Variants in CACNA2D1 observed in about 807,000 individuals in gnomAD.
The protein encoded by CACNA2D1 is calcium voltage-gated channel auxiliary subunit alpha2delta 1.
Under a neutral mutation model 171.5 loss-of-function variants are expected in CACNA2D1, and 53 were observed. The ratio of observed to expected loss-of-function variants is 0.31; its 90% CI spans 0.25 to 0.39. The LOEUF (loss-of-function observed/expected upper bound fraction) is 0.39, where lower values mean the gene tolerates loss of function less well. Ranked by LOEUF, CACNA2D1 falls within the 10% of genes least tolerant of loss-of-function variation. CACNA2D1 has a pLI of 1.00. For synonymous variants in CACNA2D1, 442 were observed against 443.1 expected, an observed-to-expected ratio of 1.00 and a Z score of 0.03; for missense variants, 903 against 1,299.8, an observed-to-expected ratio of 0.69 and a Z score of 4.69.
intron 5 of CACNA2D1, among the ~76,000 whole-genome samples, chr7:82,123,082 T>C (rs751108171): frequency 6.6e-6 from 1 of 152,162 alleles, no homozygotes; most frequent in Non-Finnish European, 1.5e-5. Context: ...AAACCATCTT[T>C]GCAAAAGGAG....
At chr7:82,135,674 A>T (rs1791523379) in intron 5 of CACNA2D1, among the ~76,000 whole-genome samples, 2 of 152,040 alleles carry the variant, frequency 1.3e-5, no homozygotes, top group African/African-American at 4.8e-5. Flanking sequence ...GTGTTTTCTC[A>T]TTTTTTAAGA....
intron 24 of CACNA2D1, 30 bp from the exon 25 acceptor site, chr7:81,974,582 TATTAAAATCAAAACTTTACAGGGTA>T: frequency 8.5e-7 from 1 of 1,171,802 alleles, no homozygotes; most frequent in South Asian, 1.3e-5. Flanking sequence ...AGATATTAGA[TATTAAAATCAAAACTTTACAGGGTA>T]ATTAAAGGTA....
intron 1 of CACNA2D1, among the ~76,000 whole-genome samples, chr7:82,424,790 T>C (rs1055350215): frequency 1.3e-5 from 2 of 152,218 alleles, no homozygotes; most frequent in Non-Finnish European, 2.9e-5. Flanking sequence ...GGATCAGAAC[T>C]AATGTGACCC....
intron 1 of CACNA2D1, among the ~76,000 whole-genome samples, chr7:82,432,116 AACAAT>A (rs1829739921): frequency 6.6e-6 from 1 of 151,992 alleles, no homozygotes; most frequent in Non-Finnish European, 1.5e-5. Flanking sequence ...AATGTCAGAA[AACAAT>A]ATTATTGTAA....
intron 10 of CACNA2D1, among the ~76,000 whole-genome samples, chr7:82,057,846 T>C (rs1227809667): frequency 6.6e-6 from 1 of 152,088 alleles, no homozygotes; most frequent in Admixed American, 6.6e-5. Flanking sequence ...AGGAAAGGTA[T>C]TAGAGGAAAG....
chr7:82,208,532 C>T (rs886143997), intron 3 of CACNA2D1, among the ~76,000 whole-genome samples: 3 of 152,118 alleles, frequency 2.0e-5, no homozygotes, highest in African/African-American at 7.2e-5. Context: ...AAAAATAAAT[C>T]ACTTAAGATG....
chr7:82,256,883 G>A (rs1216364053), intron 3 of CACNA2D1, among the ~76,000 whole-genome samples: 4 of 151,978 alleles, frequency 2.6e-5, no homozygotes, highest in African/African-American at 9.7e-5. Flanking sequence ...ATTAATACTT[G>A]GTACTTTCTG....
chr7:82,419,459 CAG>C (rs1828515805), intron 1 of CACNA2D1, among the ~76,000 whole-genome samples: 1 of 152,120 alleles, frequency 6.6e-6, no homozygotes, highest in South Asian at 2.1e-4. Flanking sequence ...CAGGAAAGAA[CAG>C]ACACTAGTAC....
chr7:82,079,621 G>C (rs1002971724), intron 7 of CACNA2D1, among the ~76,000 whole-genome samples: 1 of 151,744 alleles, frequency 6.6e-6, no homozygotes, highest in Admixed American at 6.6e-5. Flanking sequence ...GAACCCAGGG[G>C]GCAGAGGTTG....
chr7:81,971,921 G>T, intron 25 of CACNA2D1, 57 bp from the exon 26 acceptor site: 1 of 1,054,098 alleles, frequency 9.5e-7, no homozygotes, highest in East Asian at 2.4e-5. Flanking sequence ...TGATCATAAT[G>T]AAAAATATAT....
At chr7:82,094,864 C>T (rs985998773) in intron 6 of CACNA2D1, among the ~76,000 whole-genome samples, 5 of 152,150 alleles carry the variant, frequency 3.3e-5, no homozygotes, top group African/African-American at 1.2e-4. Context: ...TGCTCCTAGC[C>T]GTACTCTTGG....
chr7:81,958,452 AAG>A (rs1484492510), intron 38 of CACNA2D1, among the ~76,000 whole-genome samples: 2 of 152,062 alleles, frequency 1.3e-5, no homozygotes, highest in Non-Finnish European at 2.9e-5. Flanking sequence ...ATTAGTTAAA[AAG>A]AGGTAGACAG....
At chr7:82,442,878 T>C (rs759012183) in intron 1 of CACNA2D1, among the ~76,000 whole-genome samples, 3 of 152,202 alleles carry the variant, frequency 2.0e-5, no homozygotes, top group Non-Finnish European at 4.4e-5. Context: ...AAAACGAGTT[T>C]GGGCACTACA....
At chr7:82,195,066 C>A (rs1798716153) in intron 3 of CACNA2D1, among the ~76,000 whole-genome samples, 1 of 151,928 alleles carries the variant, frequency 6.6e-6, no homozygotes, top group African/African-American at 2.4e-5. Flanking sequence ...AGTATCTTTT[C>A]AGATTTATAT....
chr7:82,015,520 A>G (rs1404681606), intron 12 of CACNA2D1, among the ~76,000 whole-genome samples: 3 of 152,156 alleles, frequency 2.0e-5, no homozygotes, highest in African/African-American at 7.2e-5. Context: ...TATAAAAGGT[A>G]AATTCCATGA....
chr7:82,041,749 C>T (rs1286043191), intron 10 of CACNA2D1, among the ~76,000 whole-genome samples: 1 of 152,102 alleles, frequency 6.6e-6, no homozygotes, highest in Non-Finnish European at 1.5e-5. Flanking sequence ...TCTACATGTT[C>T]CATTTTCAAA....
At chr7:82,434,552 G>T (rs556752840) in intron 1 of CACNA2D1, among the ~76,000 whole-genome samples, 1 of 152,120 alleles carries the variant, frequency 6.6e-6, no homozygotes, top group African/African-American at 2.4e-5. Flanking sequence ...AGGTCCCAGT[G>T]TGTGTTGATC....
intron 12 of CACNA2D1, among the ~76,000 whole-genome samples, chr7:82,017,569 C>T (rs1375683598): frequency 6.6e-6 from 1 of 151,856 alleles, no homozygotes; most frequent in Non-Finnish European, 1.5e-5. Flanking sequence ...ATTCCAGATG[C>T]TAAAGTCCAC....
chr7:82,352,914 T>C (rs1019661332), intron 1 of CACNA2D1, among the ~76,000 whole-genome samples: 4 of 152,078 alleles, frequency 2.6e-5, no homozygotes, highest in African/African-American at 9.7e-5. Context: ...GCAGGAGTGA[T>C]AGGGAAGAGT....
Sources: allele counts gnomAD v4.1 joint callset (sites outside exome capture counted in the v4.1 genomes callset), GRCh38; gene constraint gnomAD v4.1.1; transcripts MANE v1.5; gene names NCBI Gene and HGNC (gene_info 2026-07-23, HGNC 2026-07-21).